ANKS1B: variants seen among roughly 807,000 people sequenced by gnomAD.
The protein encoded by ANKS1B is ankyrin repeat and sterile alpha motif domain-containing protein 1B.
A neutral mutation model predicts 148.3 loss-of-function variants in ANKS1B; 36 were observed. The ratio of observed to expected loss-of-function variants is 0.24; its 90% CI spans 0.19 to 0.32. The LOEUF is 0.32. Among genes scored for constraint, ANKS1B ranks in the 10% least tolerant of loss-of-function variants. ANKS1B has a pLI of 1.00. For missense variants in ANKS1B, 1,157 were observed against 1,542.6 expected (o/e 0.75, Z 4.19); for synonymous variants, 542 against 560.8 (o/e 0.97, Z 0.47).
chr12:99,217,068 G>T (rs772185560), intron 14 of ANKS1B, among the ~76,000 whole-genome samples: 1 of 152,176 alleles, frequency 6.6e-6, no homozygotes, highest in African/African-American at 2.4e-5. Flanking sequence ...GGGCCCTGAT[G>T]ATTTTGGAGC....
rs1172659868 is a variant in ANKS1B at position 98,801,013 on chromosome 12, C to T, written c.3254G>A (p.Cys1085Tyr). Residue 1085 changes from cysteine (C) to tyrosine (Y), a missense_variant, in exon 21 of 27, where the codon TGT (cysteine) becomes TAT (tyrosine). By Grantham distance (194) the Cys-to-Tyr change is radical. Coordinates refer to ENST00000683438, the MANE Select transcript of ANKS1B (RefSeq NM_001352186.2). This position sits in a 1 kb window ranked among gnomAD's most constrained non-coding sequence, Gnocchi z 5.2. The stretch of plus-strand genomic sequence containing the variant: ...GTAACTTACAAAAGCTTTGTAATCA[C>T]ACGACTGGAAGATAAGCTTTTCTGG... ...HHPEKLIFQS[C>Y]DYKAFYLGSM... 6.2e-7 allele frequency: 1 copy of T among 1,611,964 alleles called. No homozygotes were observed. The highest frequency in any genetic ancestry group is 1.7e-5 in the Admixed American group (1 of 59,854).
chr12:99,811,773 T>C lies in ANKS1B; in HGVS notation c.372+382A>G, dbSNP rs913907958. On this transcript the variant is annotated intron_variant, in intron 3 of 26. Coordinates refer to ENST00000683438, the MANE Select transcript of ANKS1B (RefSeq NM_001352186.2). ...GTGCTAAGTAAATGGTAAAGCATTA[T>C]GCAAATGATAGGCATATCATTGTTT... Among the ~76,000 whole-genome samples, 4 of 152,052 alleles carry C rather than the reference T, an allele frequency of 2.6e-5. No individual in the cohort carries two copies. In the South Asian group the frequency reaches 8.3e-4, roughly 31 times the overall value.
intron 17 of ANKS1B, among the ~76,000 whole-genome samples, chr12:98,950,173 G>A (rs144318486): frequency 6.6e-6 from 1 of 152,174 alleles, no homozygotes; most frequent in African/African-American, 2.4e-5. Context: ...ACATAATGAC[G>A]CATTGAAGGA....
intron 9 of ANKS1B, among the ~76,000 whole-genome samples, chr12:99,541,435 C>T (rs2097125168): frequency 6.6e-6 from 1 of 152,096 alleles, no homozygotes; most frequent in Admixed American, 6.5e-5. Context: ...ATATCATGAC[C>T]AAGTGCCTCA....
chr12:98,760,510 T>C (rs995837384), intron 25 of ANKS1B, among the ~76,000 whole-genome samples: 1 of 152,150 alleles, frequency 6.6e-6, no homozygotes, highest in Non-Finnish European at 1.5e-5. Flanking sequence ...CACCTTGGGG[T>C]TCTGAGGGTC....
chr12:99,454,772 C>T (rs2095818089), intron 10 of ANKS1B, among the ~76,000 whole-genome samples: 1 of 152,102 alleles, frequency 6.6e-6, no homozygotes, highest in Admixed American at 6.5e-5. Flanking sequence ...AGAATTTTAC[C>T]TTCCTCCTCC....
intron 1 of ANKS1B, among the ~76,000 whole-genome samples, chr12:99,944,293 C>T (rs530498159): frequency 6.6e-6 from 1 of 152,300 alleles, no homozygotes; most frequent in Admixed American, 6.5e-5. Flanking sequence ...GCTGTATCAA[C>T]CCTGAGTTTC....
chr12:99,038,839 C>T (rs895275256), intron 17 of ANKS1B, among the ~76,000 whole-genome samples: 1 of 152,208 alleles, frequency 6.6e-6, no homozygotes, highest in Admixed American at 6.5e-5. Context: ...TAAATGAAAC[C>T]TCCTTAAAGA....
intron 17 of ANKS1B, chr12:98,894,844 C>G (rs1034288148): frequency 3.1e-6 from 3 of 981,248 alleles, no homozygotes; most frequent in African/African-American, 1.8e-5. Context: ...CGCGCTGCGC[C>G]GAGCGCCGGG....
intron 1 of ANKS1B, among the ~76,000 whole-genome samples, chr12:99,929,531 G>C (rs1014169848): frequency 1.3e-5 from 2 of 152,126 alleles, no homozygotes; most frequent in African/African-American, 2.4e-5. Flanking sequence ...TTTGGCTTTT[G>C]TTGCCATTGC....
At chr12:98,926,892 C>A (rs1231253592) in intron 17 of ANKS1B, among the ~76,000 whole-genome samples, 3 of 151,908 alleles carry the variant, frequency 2.0e-5, no homozygotes, top group Non-Finnish European at 4.4e-5. Context: ...TCAAATGTAA[C>A]AACACATGCA....
chr12:99,574,363 T>TC (rs1045347487), intron 9 of ANKS1B, among the ~76,000 whole-genome samples: 34 of 152,218 alleles, frequency 2.2e-4, no homozygotes, highest in African/African-American at 8.2e-4. Context: ...GATAAAATCT[T>TC]CAATAGTAAG....
chr12:99,508,166 C>G (rs771359222), intron 9 of ANKS1B, among the ~76,000 whole-genome samples: 11 of 151,826 alleles, frequency 7.2e-5, no homozygotes, highest in Non-Finnish European at 1.6e-4. Context: ...GGTACAGGAG[C>G]TCATTGTTTA....
chr12:99,776,833 AC>A (rs1410337905), intron 6 of ANKS1B, among the ~76,000 whole-genome samples: 1 of 151,914 alleles, frequency 6.6e-6, no homozygotes, highest in Non-Finnish European at 1.5e-5. Flanking sequence ...GATATGTGCC[AC>A]CACACCCGGC....
Position 99,690,625 on chromosome 12 carries a change from C to T in ANKS1B, c.1129-35415G>A, listed in dbSNP as rs116018618. Among the ~76,000 whole-genome samples, 201 of 152,326 alleles carry T rather than the reference C, an allele frequency of 1.3e-3. 1 individual carries two copies. Among genetic ancestry groups the T allele is most frequent in the African/African-American group, 4.2e-3 (173 of 41,568 alleles). ...CCAAAATAATCTCCTTTTGACTCCA[C>T]GTCTCACATCTGGGTCACACTGATG... On this transcript the variant is annotated intron_variant, in intron 8 of 26. Coordinates refer to ENST00000683438, the MANE Select transcript of ANKS1B (RefSeq NM_001352186.2).
chr12:99,251,789 G>T (rs947597979), intron 12 of ANKS1B, among the ~76,000 whole-genome samples: 1 of 152,088 alleles, frequency 6.6e-6, no homozygotes, highest in Non-Finnish European at 1.5e-5. Context: ...TTGGGTCATT[G>T]CATCTGATTT....
chr12:99,843,110 C>T (rs1274786347), intron 1 of ANKS1B, among the ~76,000 whole-genome samples: 5 of 152,028 alleles, frequency 3.3e-5, no homozygotes, highest in African/African-American at 4.8e-5. Flanking sequence ...ATATGCATAA[C>T]GTGCAGGCTT....
chr12:99,862,707 T>C (rs1410817319), intron 1 of ANKS1B, among the ~76,000 whole-genome samples: 1 of 152,216 alleles, frequency 6.6e-6, no homozygotes, highest in Non-Finnish European at 1.5e-5. Context: ...TATAATGTAT[T>C]GTTTTCATCT....
rs138572208 is a variant in ANKS1B at position 98,818,543 on chromosome 12, T to C, written c.3067-10625A>G. On this transcript the variant is annotated intron_variant, in intron 19 of 26. Coordinates refer to ENST00000683438, the MANE Select transcript of ANKS1B (RefSeq NM_001352186.2). Reference sequence around the variant, plus strand: ...GAGTCAATTGGGATCATGCTGTTTATAGCAATATGGGCTGTTTTACTTGTT... The same window carrying C: ...GAGTCAATTGGGATCATGCTGTTTACAGCAATATGGGCTGTTTTACTTGTT... Among the ~76,000 whole-genome samples the C allele has an allele frequency of 7.2e-5, 11 of 152,326 alleles. No homozygotes were observed. In the East Asian group the frequency reaches 1.7e-3, roughly 24 times the overall value.
Sources: gnomAD v4.1 joint callset for allele counts (sites outside exome capture counted in the v4.1 genomes callset) on GRCh38, gnomAD v4.1.1 for gene constraint, Gnocchi (gnomAD v3.1) non-coding constraint, MANE v1.5 for transcripts, NCBI Gene and HGNC (gene_info 2026-07-23, HGNC 2026-07-21) for gene names.